The following ADAM23 variants were observed in gnomAD, a reference collection of about 807,000 sequenced individuals.
The protein encoded by ADAM23 is ADAM metallopeptidase domain 23.
Under a neutral mutation model 120.1 loss-of-function variants are expected in ADAM23, and 33 were observed. The observed-to-expected ratio is 0.27, with a 90% confidence interval of 0.21 to 0.37. The LOEUF is 0.37. ADAM23 is among the 10% of genes least tolerant of loss of function. ADAM23 has a pLI of 1.00. For missense variants in ADAM23, 862 were observed against 1,058.2 expected, an observed-to-expected ratio of 0.81 and a Z score of 2.57; for synonymous variants, 367 against 375.2, an observed-to-expected ratio of 0.98 and a Z score of 0.25.
chr2:206,584,064 T>A (rs1372952847), intron 18 of ADAM23, among the ~76,000 whole-genome samples: 1 of 152,210 alleles, frequency 6.6e-6, no homozygotes, highest in African/African-American at 2.4e-5. Flanking sequence ...CTTGATGTAG[T>A]ACTCTCCCCC....
chr2:206,496,516 A>G (rs1286350609), intron 3 of ADAM23, among the ~76,000 whole-genome samples: 1 of 152,184 alleles, frequency 6.6e-6, no homozygotes, highest in Non-Finnish European at 1.5e-5. Flanking sequence ...GTAGAGGGAA[A>G]TTTATAGCAC....
intron 3 of ADAM23, among the ~76,000 whole-genome samples, chr2:206,490,554 C>T (rs1234700996): frequency 6.6e-6 from 1 of 152,160 alleles, no homozygotes; most frequent in Non-Finnish European, 1.5e-5. Context: ...TCTTAAGAGG[C>T]AGGTATCCCC....
At chr2:206,482,678 C>T (rs1257070077) in intron 3 of ADAM23, among the ~76,000 whole-genome samples, 7 of 152,256 alleles carry the variant, frequency 4.6e-5, no homozygotes, top group African/African-American at 1.7e-4. Flanking sequence ...TGAGCAGTCC[C>T]TGACTTGAGG....
chr2:206,521,550 G>A (rs1035364419), intron 3 of ADAM23, among the ~76,000 whole-genome samples: 1 of 152,132 alleles, frequency 6.6e-6, no homozygotes, highest in Non-Finnish European at 1.5e-5. Flanking sequence ...AAAAACTCTT[G>A]AAAGTTCTGC....
chr2:206,588,812 A>C (rs1297583559), intron 20 of ADAM23, among the ~76,000 whole-genome samples: 2 of 152,242 alleles, frequency 1.3e-5, no homozygotes, highest in East Asian at 3.8e-4. Flanking sequence ...AGCACACAGA[A>C]TGAGAACAGG....
chr2:206,562,509 A>G (rs1697787287), intron 13 of ADAM23, among the ~76,000 whole-genome samples: 1 of 152,136 alleles, frequency 6.6e-6, no homozygotes, highest in East Asian at 1.9e-4. Flanking sequence ...AATCATACCC[A>G]GTTTCTCCGG....
intron 2 of ADAM23, among the ~76,000 whole-genome samples, chr2:206,478,155 A>G (rs1273782480): frequency 6.6e-6 from 1 of 151,832 alleles, no homozygotes; most frequent in East Asian, 1.9e-4. Flanking sequence ...ATAGAGAAGA[A>G]TCTGTACTGT....
chr2:206,563,817 C>T (rs974240069), intron 13 of ADAM23, among the ~76,000 whole-genome samples: 7 of 151,488 alleles, frequency 4.6e-5, no homozygotes, highest in African/African-American at 1.7e-4. Context: ...GCAACCTCCA[C>T]CTCCTGGGTT....
intron 3 of ADAM23, among the ~76,000 whole-genome samples, chr2:206,513,280 A>G (rs1265031312): frequency 6.6e-6 from 1 of 152,230 alleles, no homozygotes; most frequent in Non-Finnish European, 1.5e-5. Flanking sequence ...GTGAATGCAA[A>G]GGAAAAGTTT....
At chr2:206,535,849 G>A (rs1325036189) in intron 4 of ADAM23, among the ~76,000 whole-genome samples, 2 of 152,178 alleles carry the variant, frequency 1.3e-5, no homozygotes, top group African/African-American at 4.8e-5. Context: ...ATGGTTACAG[G>A]ACTTTTTTCT....
At chr2:206,589,260 A>T (rs755901135) in intron 20 of ADAM23, 149 bp from the exon 21 acceptor site, 127 of 592,284 alleles carry the variant, frequency 2.1e-4, no homozygotes, top group Non-Finnish European at 3.4e-4. Context: ...TGGAGAATTT[A>T]TACCATGGAA....
intron 2 of ADAM23, among the ~76,000 whole-genome samples, chr2:206,468,404 C>A (rs1033629384): frequency 6.6e-6 from 1 of 152,164 alleles, no homozygotes. Context: ...TACTAGATAT[C>A]CTAAATCATC....
intron 8 of ADAM23, among the ~76,000 whole-genome samples, chr2:206,549,470 A>C (rs1418846897): frequency 1.3e-5 from 2 of 152,004 alleles, no homozygotes; most frequent in African/African-American, 4.8e-5. Context: ...GTCCAAATGA[A>C]GGCTAAAATA....
intron 24 of ADAM23, among the ~76,000 whole-genome samples, chr2:206,597,745 A>T (rs9917389): frequency 7.9e-5 from 12 of 152,178 alleles, no homozygotes; most frequent in African/African-American, 2.9e-4. Flanking sequence ...ACAGGTAGGA[A>T]AATGCATATA....
intron 3 of ADAM23, among the ~76,000 whole-genome samples, chr2:206,528,808 A>G (rs1361088662): frequency 6.6e-6 from 1 of 152,254 alleles, no homozygotes; most frequent in Non-Finnish European, 1.5e-5. Context: ...TTTTTGCATA[A>G]GAAGAAATAA....
chr2:206,616,300 T>G (rs1379643996), intron 25 of ADAM23, among the ~76,000 whole-genome samples: 1 of 152,172 alleles, frequency 6.6e-6, no homozygotes, highest in Non-Finnish European at 1.5e-5. Flanking sequence ...GAATGTTGAC[T>G]TAAAAGAGGG....
At chr2:206,534,588 A>G (rs1697134431) in intron 4 of ADAM23, among the ~76,000 whole-genome samples, 1 of 152,200 alleles carries the variant, frequency 6.6e-6, no homozygotes, top group Admixed American at 6.5e-5. Flanking sequence ...AAATAAGTTA[A>G]TTTTTAGCAT....
intron 4 of ADAM23, among the ~76,000 whole-genome samples, chr2:206,541,806 T>C (rs1457676828): frequency 6.6e-6 from 1 of 152,216 alleles, no homozygotes; most frequent in Admixed American, 6.5e-5. Flanking sequence ...GTTTTATTAA[T>C]TACCTTGGTG....
rs552943462 is a variant in ADAM23 at position 206,619,728 on chromosome 2, C to A, written c.*2101C>A. ...GAGGTGTCTTTAACTGGGGAAGTAC[C>A]ACAAACATAGAGCAGAGACTTTAAT... is the stretch of plus-strand genomic sequence containing the variant. On this transcript the variant is annotated 3_prime_UTR_variant, in exon 26 of 26. Coordinates refer to ENST00000264377, the MANE Select transcript of ADAM23 (RefSeq NM_003812.4). 3 of 152,260 alleles carry A rather than the reference C, an allele frequency of 2.0e-5. No homozygotes were observed. The highest frequency in any genetic ancestry group is 7.2e-5 in the African/African-American group (3 of 41,554). The allele number at this position is 152,260 out of a possible 1,614,324, so 9.4% of individuals were successfully genotyped here.
Sources: allele counts gnomAD v4.1 joint callset (sites outside exome capture counted in the v4.1 genomes callset), GRCh38; gene constraint gnomAD v4.1.1; transcripts MANE v1.5; gene names NCBI Gene and HGNC (gene_info 2026-07-23, HGNC 2026-07-21).